Variants in TMEM184C observed in about 807,000 individuals in gnomAD.
TMEM184C encodes the protein transmembrane protein 34.
A neutral mutation model predicts 54.5 loss-of-function variants in TMEM184C; 25 were observed. That is an observed-to-expected ratio of 0.46 (90% CI 0.33 to 0.64). TMEM184C has a LOEUF of 0.64. Ranked by LOEUF, TMEM184C falls within the 30% of genes least tolerant of loss-of-function variation. TMEM184C has a pLI of 0.02. For synonymous variants in TMEM184C, 148 were observed against 181.5 expected (o/e 0.82, Z 1.49); for missense variants, 335 against 520.3 (o/e 0.64, Z 3.46).
Position 147,629,693 on chromosome 4 carries a change from G to A in TMEM184C, c.666+1G>A, listed in dbSNP as rs1229790539. The A allele has an allele frequency of 6.4e-7, 1 of 1,559,704 alleles. No individual in the cohort carries two copies. The highest frequency in any genetic ancestry group is 8.6e-7 in the Non-Finnish European group (1 of 1,156,868). On this transcript the variant is annotated splice_donor_variant, in intron 6 of 9. Transcript: ENST00000296582. LOFTEE classifies it high-confidence loss of function. ...TATAATAAACAACATGTCACAGTTG[G>A]TAAGTAAAATGTTCACTTTTCTTAA...
intron 1 of TMEM184C, among the ~76,000 whole-genome samples, chr4:147,619,645 C>T (rs1732669707): frequency 6.6e-6 from 1 of 152,060 alleles, no homozygotes; most frequent in African/African-American, 2.4e-5. Flanking sequence ...GAAATATTTC[C>T]GTGGAGTATA....
rs182450528 is a variant in TMEM184C at position 147,629,733 on chromosome 4, G to A, written c.666+41G>A. ...ACTTTTCTTAAACTGTACTAAATTC[G>A]TATCTATAACTAAATTTCTTTAGAC... On this transcript the variant is annotated intron_variant, in intron 6 of 9. Coordinates refer to ENST00000296582, the MANE Select transcript of TMEM184C (RefSeq NM_018241.3). 1.1e-3 allele frequency: 1,577 copies of A among 1,394,204 alleles called. 9 individuals carry two copies. The African/African-American group carries it at 0.015, about 13-fold the overall frequency. The allele number at this position is 1,394,204 out of a possible 1,614,324, so 86.4% of individuals were successfully genotyped here. A position where few individuals can be genotyped will look rare whatever the true frequency, so the allele number is the denominator to read the frequency against.
chr4:147,619,995 T>A (rs1358059431), intron 1 of TMEM184C, among the ~76,000 whole-genome samples: 1 of 152,204 alleles, frequency 6.6e-6, no homozygotes, highest in African/African-American at 2.4e-5. Flanking sequence ...CTTTTTCTCC[T>A]CAAGTCCTAG....
intron 8 of TMEM184C, 123 bp downstream of exon 8, chr4:147,633,125 A>T: frequency 1.4e-6 from 1 of 718,372 alleles, no homozygotes; most frequent in Non-Finnish European, 2.2e-6. Context: ...CAGGTGAGAA[A>T]ACAGGGGAAC....
rs1732623867 is a variant in TMEM184C, at chr4:147,617,735, G to C, written c.-222G>C. ...GGGTGGAGAAGAAAGGATGTTGCCT[G>C]CACTGCTCGCCAATAGCACCCTGAG... is the stretch of plus-strand genomic sequence containing the variant. On this transcript the variant is annotated 5_prime_UTR_variant, in exon 1 of 10. Coordinates refer to ENST00000296582, the MANE Select transcript of TMEM184C (RefSeq NM_018241.3). 1 of 534,500 alleles carries C rather than the reference G, an allele frequency of 1.9e-6. No individual in the cohort carries two copies. Among genetic ancestry groups the C allele is most frequent in the Admixed American group, 3.0e-5 (1 of 32,930 alleles). 33.1% of individuals were successfully genotyped at this position (534,500 alleles called of 1,614,324 possible). A position where few individuals can be genotyped will look rare whatever the true frequency, so the allele number is the denominator to read the frequency against.
intron 4 of TMEM184C, 107 bp downstream of exon 4, chr4:147,625,116 G>C: frequency 9.3e-7 from 1 of 1,072,694 alleles, no homozygotes; most frequent in Non-Finnish European, 1.4e-6. Flanking sequence ...ATTAATAGCA[G>C]AACAATAAGT....
At chr4:147,618,711 C>T (rs1732647666) in intron 1 of TMEM184C, among the ~76,000 whole-genome samples, 2 of 152,140 alleles carry the variant, frequency 1.3e-5, no homozygotes, top group Non-Finnish European at 2.9e-5. Flanking sequence ...CAGAGGAACA[C>T]CTATTACAAG....
In TMEM184C at chr4:147,618,044, G is replaced by T. The variant is rs1732631225; in HGVS notation, c.88G>T (p.Val30Phe). Residue 30 changes from valine to phenylalanine, a missense_variant, in exon 1 of 10, where the codon GTT (valine) becomes TTT (phenylalanine). By Grantham distance (50) the Val-to-Phe change is conservative (BLOSUM62 -1). Coordinates refer to ENST00000296582, the MANE Select transcript of TMEM184C (RefSeq NM_018241.3). ...CTACCTGGTGTCAATAGTGGTTGCG[G>T]TTCCCCTATGCGTGTGGGAATTACA... ...VIYLVSIVVA[V>F]PLCVWELQKL... 2 of 1,614,144 alleles carry T rather than the reference G, an allele frequency of 1.2e-6. No homozygotes were observed. Among genetic ancestry groups the T allele is most frequent in the Non-Finnish European group, 1.7e-6 (2 of 1,180,002 alleles).
At chr4:147,627,052 G>T (rs1732827512) in intron 4 of TMEM184C, among the ~76,000 whole-genome samples, 2 of 152,182 alleles carry the variant, frequency 1.3e-5, no homozygotes, top group African/African-American at 4.8e-5. Context: ...CAAGGTGGGT[G>T]CTGAGGAATT....
rs1374079761 is a variant in TMEM184C, at chr4:147,624,036, A to C, written c.255-26A>C. On this transcript the variant is annotated intron_variant, in intron 2 of 9. Coordinates refer to ENST00000296582, the MANE Select transcript of TMEM184C (RefSeq NM_018241.3). ...TCATAAATATGACATAAAATGTTTTAAATTTCTGTTTTCCTTTTCCAATAG... is the reference window on the plus strand; with the variant it reads ...TCATAAATATGACATAAAATGTTTTCAATTTCTGTTTTCCTTTTCCAATAG... 4 of 1,611,492 alleles carry C rather than the reference A, an allele frequency of 2.5e-6. No homozygotes were observed. In the Admixed American group the frequency reaches 6.7e-5, roughly 27 times the overall value.
chr4:147,621,069 G>A (rs1732699937), intron 1 of TMEM184C, among the ~76,000 whole-genome samples: 1 of 152,190 alleles, frequency 6.6e-6, no homozygotes, highest in Admixed American at 6.5e-5. Context: ...GAATGGTAGG[G>A]TGACCATCTG....
At chr4:147,627,873 A>G (rs964268421) in intron 4 of TMEM184C, among the ~76,000 whole-genome samples, 1 of 150,568 alleles carries the variant, frequency 6.6e-6, no homozygotes, top group African/African-American at 2.5e-5. Context: ...GTCTACAGAA[A>G]ATAAATTAGC....
intron 8 of TMEM184C, 77 bp downstream of exon 8, chr4:147,633,079 C>A: frequency 8.1e-7 from 1 of 1,239,402 alleles, no homozygotes; most frequent in Non-Finnish European, 1.2e-6. Flanking sequence ...CTAAACCTGA[C>A]AACACACAGG....
chr4:147,634,860 G>A lies in TMEM184C; in HGVS notation c.*426G>A. ...TCCTGCCTCAGCCTCCCAAGTAGCT[G>A]GGACTACAGGCACCTGCCACCATGC... On this transcript the variant is annotated 3_prime_UTR_variant, in exon 10 of 10. Transcript: ENST00000296582. 6.4e-6 allele frequency: 1 copy of A among 156,994 alleles called. No individual in the cohort carries two copies. The allele number at this position is 156,994 out of a possible 1,614,324, so 9.7% of individuals were successfully genotyped here. A position where few individuals can be genotyped will look rare whatever the true frequency, so the allele number is the denominator to read the frequency against.
intron 7 of TMEM184C, chr4:147,632,445 T>C (rs1732934666): frequency 6.5e-6 from 1 of 153,878 alleles, no homozygotes; most frequent in Non-Finnish European, 1.4e-5. Context: ...AGAAATATTA[T>C]TTTGTTTTGT....
rs1382677633 is a variant in TMEM184C at position 147,636,222 on chromosome 4, A to G, written c.*1788A>G. 2.0e-5 allele frequency: 3 copies of G among 152,200 alleles called. No individual in the cohort carries two copies. The highest frequency in any genetic ancestry group is 7.2e-5 in the African/African-American group (3 of 41,462). The allele number at this position is 152,200 out of a possible 1,614,324, so 9.4% of individuals were successfully genotyped here. On this transcript the variant is annotated 3_prime_UTR_variant, in exon 10 of 10. Coordinates refer to ENST00000296582, the MANE Select transcript of TMEM184C (RefSeq NM_018241.3). Reference sequence around the variant, plus strand: ...ACATCACATTTCCTAATTATAAATTATACTACAAAACTATAGTAATCAAGA... The same window carrying G: ...ACATCACATTTCCTAATTATAAATTGTACTACAAAACTATAGTAATCAAGA...
Position 147,634,656 on chromosome 4 carries a change from G to C in TMEM184C, c.*222G>C, listed in dbSNP as rs574380456. The C allele has an allele frequency of 6.0e-6, 3 of 496,488 alleles. No homozygotes were observed. Among genetic ancestry groups the C allele is most frequent in the Non-Finnish European group, 1.1e-5 (3 of 283,970 alleles). 30.8% of individuals were successfully genotyped at this position (496,488 alleles called of 1,614,324 possible). On this transcript the variant is annotated 3_prime_UTR_variant, in exon 10 of 10. Coordinates refer to ENST00000296582, the MANE Select transcript of TMEM184C (RefSeq NM_018241.3). ...CTTGATTTCTTAACATTAGGGTATC[G>C]CATACTCAAATGGTAGACAATGACC... is the stretch of plus-strand genomic sequence containing the variant.
intron 4 of TMEM184C, among the ~76,000 whole-genome samples, chr4:147,626,123 G>A (rs1379741350): frequency 1.3e-5 from 2 of 152,180 alleles, no homozygotes; most frequent in Non-Finnish European, 2.9e-5. Flanking sequence ...AATATCACAA[G>A]CACTGATCTT....
chr4:147,627,817 A>C (rs1408495742), intron 4 of TMEM184C, among the ~76,000 whole-genome samples: 1 of 151,180 alleles, frequency 6.6e-6, no homozygotes, highest in East Asian at 1.9e-4. Flanking sequence ...GGATCACTTG[A>C]GCCCAGGAGG....
Sources: allele counts gnomAD v4.1 joint callset (sites outside exome capture counted in the v4.1 genomes callset), GRCh38; gene constraint gnomAD v4.1.1; transcripts MANE v1.5; gene names NCBI Gene and HGNC (gene_info 2026-07-23, HGNC 2026-07-21).